DLG2: variants seen among roughly 807,000 people sequenced by gnomAD.
The protein encoded by DLG2 is discs large MAGUK scaffold protein 2, also known as disks large homolog 2.
DLG2 carries 45 observed loss-of-function variants against 132.5 expected under a neutral mutation model. That is an observed-to-expected ratio of 0.34 (90% CI 0.27 to 0.44). The LOEUF (loss-of-function observed/expected upper bound fraction) is 0.44. Ranked by LOEUF, DLG2 falls within the 20% of genes least tolerant of loss-of-function variation. The pLI is 1.00. For missense variants in DLG2, 1,045 were observed against 1,196.9 expected (o/e 0.87, Z 1.87); for synonymous variants, 424 against 419.6 (o/e 1.01, Z -0.13).
At chr11:83,701,504 G>A (rs2082932776) in intron 18 of DLG2, among the ~76,000 whole-genome samples, 1 of 152,060 alleles carries the variant, frequency 6.6e-6, no homozygotes, top group South Asian at 2.1e-4. Context: ...TTAAACAAAG[G>A]AAATTGAGGA....
intron 8 of DLG2, among the ~76,000 whole-genome samples, chr11:84,167,754 C>T (rs1447459094): frequency 6.6e-6 from 1 of 152,032 alleles, no homozygotes; most frequent in African/African-American, 2.4e-5. Context: ...GCAACCTCTG[C>T]ATACCAGGTT....
At chr11:85,226,400 C>T (rs1010106226) in intron 4 of DLG2, among the ~76,000 whole-genome samples, 21 of 151,868 alleles carry the variant, frequency 1.4e-4, no homozygotes, top group African/African-American at 5.1e-4. Flanking sequence ...TCGTTATTCA[C>T]CTAAGTTTCA....
intron 3 of DLG2, among the ~76,000 whole-genome samples, chr11:85,597,361 TAATA>T (rs929560631): frequency 1.3e-5 from 2 of 152,084 alleles, no homozygotes; most frequent in African/African-American, 4.8e-5. Flanking sequence ...TATCAACTAT[TAATA>T]AATATTAATT....
At chr11:83,625,896 C>G (rs920507028) in intron 19 of DLG2, among the ~76,000 whole-genome samples, 2 of 152,166 alleles carry the variant, frequency 1.3e-5, no homozygotes, top group African/African-American at 4.8e-5. Context: ...GTCAGCCAAG[C>G]TGGTACTGGA....
chr11:84,366,762 C>G (rs1233543220), intron 7 of DLG2, among the ~76,000 whole-genome samples: 2 of 152,142 alleles, frequency 1.3e-5, no homozygotes, highest in Non-Finnish European at 2.9e-5. Context: ...GAAGAGCTAA[C>G]TATCCTAAAT....
At chr11:83,641,146 C>T (rs2066388723) in intron 18 of DLG2, among the ~76,000 whole-genome samples, 1 of 152,060 alleles carries the variant, frequency 6.6e-6, no homozygotes, top group Non-Finnish European at 1.5e-5. Context: ...AGAGGGTGGA[C>T]ACAAGACTCT....
At chr11:83,536,563 G>A (rs965025223) in intron 20 of DLG2, among the ~76,000 whole-genome samples, 1 of 119,490 alleles carries the variant, frequency 8.4e-6, no homozygotes, top group Non-Finnish European at 1.8e-5. Context: ...AAATAACGTG[G>A]TGTTTTTTTT....
intron 11 of DLG2, among the ~76,000 whole-genome samples, chr11:84,045,190 T>G (rs1274096721): frequency 6.6e-6 from 1 of 151,806 alleles, no homozygotes; most frequent in Non-Finnish European, 1.5e-5. Flanking sequence ...TAACCAGCCC[T>G]TCCTTATACC....
intron 6 of DLG2, among the ~76,000 whole-genome samples, chr11:84,996,658 T>G (rs1055580783): frequency 3.9e-5 from 6 of 152,180 alleles, no homozygotes; most frequent in African/African-American, 1.4e-4. Flanking sequence ...ACTAATCTAA[T>G]GTGGGGTAGT....
chr11:85,571,717 C>T lies in DLG2; in HGVS notation c.40+26940G>A, dbSNP rs150154802. ...AAGTATCTTATTACGCAGCTTCTTCCCAAGAATTTTAGTTAGTCTTTTGCT... is the reference window on the plus strand; with the variant it reads ...AAGTATCTTATTACGCAGCTTCTTCTCAAGAATTTTAGTTAGTCTTTTGCT... On this transcript the variant is annotated intron_variant, in intron 3 of 27. Coordinates refer to ENST00000376104, the MANE Select transcript of DLG2 (RefSeq NM_001142699.3). 6.0e-3 allele frequency among the ~76,000 whole-genome samples: 916 copies of T among 152,282 alleles called. 8 individuals are homozygous for T. The highest frequency in any genetic ancestry group is 0.024 in the Middle Eastern group (7 of 294).
In DLG2 at chr11:84,550,216, A is replaced by G. The variant is rs1029883400; in HGVS notation, c.358-15485T>C. On this transcript the variant is annotated intron_variant, in intron 6 of 27. Coordinates refer to ENST00000376104, the MANE Select transcript of DLG2 (RefSeq NM_001142699.3). The stretch of plus-strand genomic sequence containing the variant: ...CCATTACAGGGAACAGGCTTCCACC[A>G]TGCTATTACCAGTATTGTAGAGTAT... 5.3e-5 allele frequency among the ~76,000 whole-genome samples: 8 copies of G among 151,996 alleles called. No homozygotes were observed. In the East Asian group the frequency reaches 1.4e-3, roughly 26 times the overall value.
chr11:84,861,640 C>CAAAAAAAAAAAAAAAAAAAAAAAAAAAA (rs1248486704), intron 6 of DLG2, among the ~76,000 whole-genome samples: 1 of 75,650 alleles, frequency 1.3e-5, no homozygotes, highest in Non-Finnish European at 2.3e-5. Flanking sequence ...AAAAAAAAAA[C>CAAAAAAAAAAAAAAAAAAAAAAAAAAAA]AAAAAAAAAA....
chr11:84,468,318 G>T (rs561492969), intron 7 of DLG2, among the ~76,000 whole-genome samples: 1 of 151,480 alleles, frequency 6.6e-6, no homozygotes, highest in East Asian at 2.0e-4. Flanking sequence ...GTGTTAATTG[G>T]ATCTTGTTGG....
chr11:83,507,584 A>G (rs1367531055), intron 21 of DLG2, among the ~76,000 whole-genome samples: 1 of 145,450 alleles, frequency 6.9e-6, no homozygotes, highest in Non-Finnish European at 1.5e-5. Context: ...ATAGATATCT[A>G]TATAGATATC....
intron 15 of DLG2, among the ~76,000 whole-genome samples, chr11:83,928,115 AAAGAAT>A (rs1293554145): frequency 6.6e-6 from 1 of 152,070 alleles, no homozygotes. Flanking sequence ...AAGATAAGAT[AAAGAAT>A]AAGATAATGG....
At chr11:84,849,674 C>G (rs1301789850) in intron 6 of DLG2, among the ~76,000 whole-genome samples, 1 of 152,082 alleles carries the variant, frequency 6.6e-6, no homozygotes, top group Non-Finnish European at 1.5e-5. Context: ...ACAGGTCTTT[C>G]TTACCTATGT....
At chr11:84,316,499 A>G (rs2098357367) in intron 7 of DLG2, among the ~76,000 whole-genome samples, 1 of 152,196 alleles carries the variant, frequency 6.6e-6, no homozygotes, top group Admixed American at 6.5e-5. Flanking sequence ...ATAATAATAA[A>G]CAGGCAGGAC....
At chr11:85,593,111 A>G (rs17148242) in intron 3 of DLG2, among the ~76,000 whole-genome samples, 8,802 of 152,214 alleles carry the variant, frequency 0.058, 821 homozygotes, top group African/African-American at 0.2. Flanking sequence ...CACCATAATG[A>G]TAATTGTGAG....
At chr11:84,492,616 G>A (rs147520215) in intron 7 of DLG2, among the ~76,000 whole-genome samples, 3 of 152,272 alleles carry the variant, frequency 2.0e-5, no homozygotes, top group African/African-American at 4.8e-5. Context: ...CAGAAGTAAT[G>A]TGAAGAGTAG....
Sources: allele counts gnomAD v4.1 joint callset (sites outside exome capture counted in the v4.1 genomes callset), GRCh38; gene constraint gnomAD v4.1.1; transcripts MANE v1.5; gene names NCBI Gene and HGNC (gene_info 2026-07-23, HGNC 2026-07-21).